The following EYA4 variants were observed in gnomAD, a reference collection of about 807,000 sequenced individuals.
EYA4 encodes protein phosphatase EYA4.
In EYA4, 31 loss-of-function variants were observed where a neutral mutation model predicts 87.9. That is an observed-to-expected ratio of 0.35 (90% confidence interval 0.27 to 0.48). The LOEUF is 0.48. Ranked by LOEUF, EYA4 falls within the 20% of genes least tolerant of loss-of-function variation. EYA4 has a pLI of 0.99. For missense variants in EYA4, 678 were observed against 761.4 expected (o/e 0.89, Z 1.29); for synonymous variants, 263 against 270.6 (o/e 0.97, Z 0.28).
intron 2 of EYA4, among the ~76,000 whole-genome samples, chr6:133,318,632 T>TTTTTA (rs77352161): frequency 1.1e-4 from 17 of 148,760 alleles, no homozygotes; most frequent in Non-Finnish European, 1.9e-4. Context: ...TTTTTTTTTT[T>TTTTTA]TAATCATCCA....
In EYA4 at chr6:133,479,066, G is replaced by A. The variant is rs184734233; in HGVS notation, c.971-2397G>A. ...ACGTCATCCAAAATGTTTTTTAAAT[G>A]CATGCTTAATAAGTGAGGGTTAATT... On this transcript the variant is annotated intron_variant, in intron 11 of 19. Transcript: ENST00000355286. 1.7e-4 allele frequency among the ~76,000 whole-genome samples: 26 copies of A among 152,238 alleles called. 1 individual carries two copies. Among genetic ancestry groups the A allele is most frequent in the Admixed American group, 9.2e-4 (14 of 15,278 alleles).
At chr6:133,350,543 A>G (rs1405815192) in intron 2 of EYA4, among the ~76,000 whole-genome samples, 11 of 151,998 alleles carry the variant, frequency 7.2e-5, no homozygotes, top group African/African-American at 2.7e-4. Flanking sequence ...AGATGAAGAA[A>G]CCATAAAGCT....
intron 1 of EYA4, among the ~76,000 whole-genome samples, chr6:133,273,005 C>T (rs759114547): frequency 1.2e-4 from 18 of 150,922 alleles, no homozygotes; most frequent in Non-Finnish European, 2.1e-4. Context: ...TTAAGGCACC[C>T]GATGCTGATG....
In EYA4 at chr6:133,424,321, C is replaced by T. The variant is rs112945320; in HGVS notation, c.84-22309C>T. Among the ~76,000 whole-genome samples the T allele has an allele frequency of 2.6e-3, 400 of 152,288 alleles. 4 individuals carry two copies. The highest frequency in any genetic ancestry group is 0.017 in the Middle Eastern group (5 of 294). On this transcript the variant is annotated intron_variant, in intron 3 of 19. Transcript: ENST00000355286. Reference sequence around the variant, plus strand: ...TCCCCACTCTGGTCTGCAGGACTGGCGTCCCAGCCCCCAGCCTTCAGGCCC... The same window carrying T: ...TCCCCACTCTGGTCTGCAGGACTGGTGTCCCAGCCCCCAGCCTTCAGGCCC...
intron 14 of EYA4, among the ~76,000 whole-genome samples, chr6:133,506,687 T>C (rs1798660458): frequency 2.0e-5 from 3 of 152,228 alleles, no homozygotes; most frequent in Admixed American, 2.0e-4. Flanking sequence ...TTTGATGCAT[T>C]TAAATGCATT....
At chr6:133,481,950 T>C (rs981102383) in intron 12 of EYA4, among the ~76,000 whole-genome samples, 37 of 152,212 alleles carry the variant, frequency 2.4e-4, no homozygotes, top group African/African-American at 8.4e-4. Context: ...ACTAAAGTAA[T>C]GGAAGATGTC....
At chr6:133,515,231 A>G (rs1304931611) in intron 16 of EYA4, 90 bp from the exon 17 acceptor site, 4 of 772,408 alleles carry the variant, frequency 5.2e-6, no homozygotes, top group South Asian at 2.7e-5. Context: ...TGAAATAAAA[A>G]TGATCTATTC....
chr6:133,489,889 G>A (rs1330626048), intron 13 of EYA4, among the ~76,000 whole-genome samples: 1 of 152,166 alleles, frequency 6.6e-6, no homozygotes, highest in Non-Finnish European at 1.5e-5. Context: ...ATTGTGGTAT[G>A]TAAGCTACTC....
chr6:133,508,020 A>G (rs62429428), intron 14 of EYA4, among the ~76,000 whole-genome samples: 63 of 152,206 alleles, frequency 4.1e-4, no homozygotes, highest in African/African-American at 1.4e-3. Context: ...TTTTTTTTAA[A>G]TGACAAGGTC....
intron 1 of EYA4, among the ~76,000 whole-genome samples, chr6:133,266,594 TAGGTC>T (rs1776244648): frequency 1.3e-5 from 2 of 152,184 alleles, no homozygotes. Context: ...ATTTTATTAT[TAGGTC>T]AGGTGAGTAG....
In EYA4 at chr6:133,530,323, G is replaced by A. The variant is rs867018264; in HGVS notation, c.*1518G>A. 1.9e-5 allele frequency: 19 copies of A among 985,300 alleles called. No homozygotes were observed. The highest frequency in any genetic ancestry group is 2.3e-5 in the Non-Finnish European group (19 of 829,936). 61.0% of individuals were successfully genotyped at this position (985,300 alleles called of 1,614,324 possible). A position where few individuals can be genotyped will look rare whatever the true frequency, so the allele number is the denominator to read the frequency against. On this transcript the variant is annotated 3_prime_UTR_variant, in exon 20 of 20. Coordinates refer to ENST00000355286, the MANE Select transcript of EYA4 (RefSeq NM_004100.5). Reference sequence around the variant, plus strand: ...TTCATTACAAGAAGAGCCCATCATCGTTGTGTTTGCATGGTTTTTTTCCTT... The same window carrying A: ...TTCATTACAAGAAGAGCCCATCATCATTGTGTTTGCATGGTTTTTTTCCTT...
At chr6:133,306,435 T>G (rs537682590) in intron 2 of EYA4, among the ~76,000 whole-genome samples, 53 of 152,300 alleles carry the variant, frequency 3.5e-4, no homozygotes, top group Non-Finnish European at 7.1e-4. Context: ...TCTGTGCCTC[T>G]CACTTCCATT....
At chr6:133,360,275 T>A (rs1784358455) in intron 2 of EYA4, 1 of 152,242 alleles carries the variant, frequency 6.6e-6, no homozygotes, top group African/African-American at 2.4e-5. Flanking sequence ...AATTTCAGTG[T>A]TACGGCTTAG....
At position 133,523,171 on chromosome 6, in the gene EYA4, A is replaced by G; in HGVS notation, c.1732A>G (p.Lys578Glu). ...CATTGAGAATATTTACAGTGCAACT[A>G]AAATAGGTAAGGAAATTATTTTAAA... ...FPIENIYSAT[K>E]IGKESCFERI... is the part of the protein sequence containing the mutation. Residue 578 changes from lysine (K) to glutamate (E), a missense_variant, in exon 18 of 20, where the codon AAA (lysine) becomes GAA (glutamate). Lys to Glu is a moderately conservative substitution (Grantham distance 56). Coordinates refer to ENST00000355286, the MANE Select transcript of EYA4 (RefSeq NM_004100.5). 1 of 1,611,938 alleles carries G rather than the reference A, an allele frequency of 6.2e-7. No individual in the cohort carries two copies. The highest frequency in any genetic ancestry group is 8.5e-7 in the Non-Finnish European group (1 of 1,178,310).
chr6:133,385,316 A>T (rs1462192968), intron 3 of EYA4, among the ~76,000 whole-genome samples: 2 of 126,282 alleles, frequency 1.6e-5, no homozygotes, highest in East Asian at 2.4e-4. Context: ...AAAAAAAAAA[A>T]CCCACAAAAT....
intron 2 of EYA4, among the ~76,000 whole-genome samples, chr6:133,301,910 G>T (rs1365363288): frequency 6.6e-6 from 1 of 152,228 alleles, no homozygotes; most frequent in Non-Finnish European, 1.5e-5. Context: ...CAGTCTACTT[G>T]ATTAGACGGT....
chr6:133,384,244 G>A (rs1396882417), intron 3 of EYA4, among the ~76,000 whole-genome samples: 1 of 151,988 alleles, frequency 6.6e-6, no homozygotes, highest in Non-Finnish European at 1.5e-5. Flanking sequence ...CTGGAATTAG[G>A]TCATTCTTTT....
In EYA4 at chr6:133,470,999, G is replaced by A. The variant is rs1275445457; in HGVS notation, c.970+2268G>A. On this transcript the variant is annotated intron_variant, in intron 11 of 19. Transcript: ENST00000355286. Reference sequence around the variant, plus strand: ...GCTTAAGGAGATTTTGGGCTGAGACGATGGGGTTCTCTAGATAAACAATCA... The same window carrying A: ...GCTTAAGGAGATTTTGGGCTGAGACAATGGGGTTCTCTAGATAAACAATCA... Among the ~76,000 whole-genome samples the A allele has an allele frequency of 3.1e-4, 26 of 84,058 alleles. 3 individuals are homozygous for A. The highest frequency in any genetic ancestry group is 1.1e-3 in the South Asian group (2 of 1,804). 55.1% of individuals were successfully genotyped at this position (84,058 alleles called of 152,430 possible). A position where few individuals can be genotyped will look rare whatever the true frequency, so the allele number is the denominator to read the frequency against.
At chr6:133,368,559 C>T (rs1438645542) in intron 2 of EYA4, among the ~76,000 whole-genome samples, 1 of 152,178 alleles carries the variant, frequency 6.6e-6, no homozygotes, top group African/African-American at 2.4e-5. Context: ...CAACAGGCTC[C>T]AACTGCTTGA....
Sources: gnomAD v4.1 joint callset for allele counts (sites outside exome capture counted in the v4.1 genomes callset) on GRCh38, gnomAD v4.1.1 for gene constraint, MANE v1.5 for transcripts, NCBI Gene and HGNC (gene_info 2026-07-23, HGNC 2026-07-21) for gene names.